NTNG1: variants seen among roughly 807,000 people sequenced by gnomAD.
NTNG1 encodes the protein netrin-G1.
In NTNG1, 16 loss-of-function variants were observed where a neutral mutation model predicts 54.0. The observed-to-expected ratio is 0.30, with a 90% confidence interval of 0.20 to 0.45. The LOEUF (loss-of-function observed/expected upper bound fraction) is 0.45, where lower values mean the gene tolerates loss of function less well. Among genes scored for constraint, NTNG1 ranks in the 20% least tolerant of loss-of-function variants. The pLI is 1.00. For missense variants in NTNG1, 530 were observed against 678.7 expected (o/e 0.78, Z 2.43); for synonymous variants, 255 against 263.1 (o/e 0.97, Z 0.30).
At chr1:107,434,913 CT>C (rs1412932802) in intron 6 of NTNG1, among the ~76,000 whole-genome samples, 10 of 152,286 alleles carry the variant, frequency 6.6e-5, no homozygotes, top group African/African-American at 2.4e-4. Flanking sequence ...GGCCACACCC[CT>C]TCTTGTCCTT....
chr1:107,409,425 T>A (rs1018040556), intron 5 of NTNG1: 1 of 152,156 alleles, frequency 6.6e-6, no homozygotes. Context: ...CCCCTCTAAC[T>A]GTACTGCTCA....
intron 2 of NTNG1, among the ~76,000 whole-genome samples, chr1:107,156,834 T>C (rs1318937404): frequency 6.6e-6 from 1 of 152,198 alleles, no homozygotes; most frequent in African/African-American, 2.4e-5. Context: ...TTGTCTGTGC[T>C]TCTGGAGGAA....
chr1:107,224,407 A>G (rs1445009196), intron 2 of NTNG1, among the ~76,000 whole-genome samples: 1 of 152,104 alleles, frequency 6.6e-6, no homozygotes, highest in African/African-American at 2.4e-5. Context: ...GCTTATCTGG[A>G]CACTCGAGGG....
chr1:107,351,856 A>T (rs970530990), intron 3 of NTNG1, among the ~76,000 whole-genome samples: 2 of 152,228 alleles, frequency 1.3e-5, no homozygotes, highest in Non-Finnish European at 1.5e-5. Flanking sequence ...CCAAGGTACA[A>T]TTAGGATACA....
At chr1:107,366,782 A>G (rs1452134603) in intron 3 of NTNG1, among the ~76,000 whole-genome samples, 4 of 152,198 alleles carry the variant, frequency 2.6e-5, no homozygotes, top group Admixed American at 6.5e-5. Context: ...TGAAAAATGT[A>G]TAAGAAATTA....
At chr1:107,424,160 G>A (rs775574543) in intron 5 of NTNG1, among the ~76,000 whole-genome samples, 9 of 152,026 alleles carry the variant, frequency 5.9e-5, no homozygotes, top group Non-Finnish European at 1.2e-4. Flanking sequence ...ATGTGGGTGG[G>A]GCTATTATCT....
At chr1:107,267,110 T>A (rs1159415986) in intron 2 of NTNG1, among the ~76,000 whole-genome samples, 3 of 152,240 alleles carry the variant, frequency 2.0e-5, no homozygotes, top group Non-Finnish European at 1.5e-5. Context: ...AATTCTTCAG[T>A]TGTGCATTGG....
intron 4 of NTNG1, chr1:107,403,636 G>A (rs994757908): frequency 1.9e-5 from 3 of 155,112 alleles, no homozygotes; most frequent in Non-Finnish European, 4.4e-5. Flanking sequence ...CTTGAACCTG[G>A]GAGGTGGAGG....
At chr1:107,210,278 G>A (rs1414103808) in intron 2 of NTNG1, among the ~76,000 whole-genome samples, 5 of 152,146 alleles carry the variant, frequency 3.3e-5, no homozygotes, top group African/African-American at 1.2e-4. Flanking sequence ...TTTGGAGAAT[G>A]ACTTGGAATG....
intron 7 of NTNG1, 58 bp downstream of exon 7, chr1:107,436,857 C>T (rs970617751): frequency 1.9e-6 from 3 of 1,553,368 alleles, no homozygotes; most frequent in Non-Finnish European, 1.8e-6. Context: ...TTCTGCTTGG[C>T]TAGGCCGGTG....
chr1:107,410,856 T>C (rs1329863404), intron 5 of NTNG1, among the ~76,000 whole-genome samples: 1 of 152,142 alleles, frequency 6.6e-6, no homozygotes, highest in Non-Finnish European at 1.5e-5. Context: ...CATTATATTA[T>C]AAAAAGCATA....
At chr1:107,454,686 G>C (rs184364118) in intron 7 of NTNG1, among the ~76,000 whole-genome samples, 1 of 152,112 alleles carries the variant, frequency 6.6e-6, no homozygotes, top group Middle Eastern at 3.2e-3. Flanking sequence ...TGCATAAATA[G>C]CTATCATCTA....
intron 2 of NTNG1, among the ~76,000 whole-genome samples, chr1:107,170,082 T>A (rs1285695438): frequency 1.3e-5 from 2 of 152,124 alleles, no homozygotes; most frequent in Non-Finnish European, 2.9e-5. Flanking sequence ...TTAAATCACA[T>A]CTATAAAATA....
chr1:107,316,351 C>T (rs909541690), intron 2 of NTNG1, among the ~76,000 whole-genome samples: 1 of 152,146 alleles, frequency 6.6e-6, no homozygotes, highest in African/African-American at 2.4e-5. Flanking sequence ...TGGTGAAACT[C>T]ACAATTCTGA....
chr1:107,277,437 C>T (rs1469544188), intron 2 of NTNG1, among the ~76,000 whole-genome samples: 1 of 152,148 alleles, frequency 6.6e-6, no homozygotes, highest in Non-Finnish European at 1.5e-5. Context: ...AAAAAGCTCT[C>T]TTTAAATAAT....
At chr1:107,293,500 T>C (rs543888986) in intron 2 of NTNG1, among the ~76,000 whole-genome samples, 32 of 152,332 alleles carry the variant, frequency 2.1e-4, no homozygotes, top group African/African-American at 7.2e-4. Context: ...TTGGAAAGTA[T>C]GTGCCTATTA....
At chr1:107,340,497 G>A (rs1223287108) in intron 3 of NTNG1, among the ~76,000 whole-genome samples, 1 of 152,038 alleles carries the variant, frequency 6.6e-6, no homozygotes, top group Admixed American at 6.6e-5. Context: ...TATTTGTTTA[G>A]CACTGATGAG....
chr1:107,181,180 T>G (rs1331532132), intron 2 of NTNG1, among the ~76,000 whole-genome samples: 1 of 152,190 alleles, frequency 6.6e-6, no homozygotes, highest in Non-Finnish European at 1.5e-5. Flanking sequence ...ACAACAAAAA[T>G]AAGACGTGAT....
rs990709662 is a variant in NTNG1 at position 107,223,369 on chromosome 1, G to A, written c.246+74530G>A. Among the ~76,000 whole-genome samples the A allele has an allele frequency of 2.1e-4, 32 of 152,106 alleles. 1 individual carries two copies. Among genetic ancestry groups the A allele is most frequent in the African/African-American group, 7.2e-4 (30 of 41,506 alleles). ...ATGACAAGTCAGTAAAGGAAGGAGCGAGTGAGAAATGAAAGAAGGTTAGTG... is the reference window on the plus strand; with the variant it reads ...ATGACAAGTCAGTAAAGGAAGGAGCAAGTGAGAAATGAAAGAAGGTTAGTG... On this transcript the variant is annotated intron_variant, in intron 2 of 7. Transcript: ENST00000370068.
Sources: gnomAD v4.1 joint callset for allele counts (sites outside exome capture counted in the v4.1 genomes callset) on GRCh38, gnomAD v4.1.1 for gene constraint, MANE v1.5 for transcripts, NCBI Gene and HGNC (gene_info 2026-07-23, HGNC 2026-07-21) for gene names.